Variants in VPS37A observed in about 807,000 individuals in gnomAD.
The protein encoded by VPS37A is VPS37A subunit of ESCRT-I, also known as vacuolar protein sorting-associated protein 37A.
Under a neutral mutation model 49.8 loss-of-function variants are expected in VPS37A, and 30 were observed. The observed-to-expected ratio is 0.60, with a 90% CI of 0.45 to 0.82. The LOEUF (loss-of-function observed/expected upper bound fraction) is 0.82. VPS37A is among the 40% of genes least tolerant of loss of function. The pLI is 0.00. For missense variants in VPS37A, 593 were observed against 464.4 expected, an observed-to-expected ratio of 1.28 and a Z score of -2.55; for synonymous variants, 195 against 160.6, an observed-to-expected ratio of 1.21 and a Z score of -1.62.
At chr8:17,298,362 T>G (rs1816876915), downstream of VPS37A, 1 of 152,104 alleles carries the variant, frequency 6.6e-6, no homozygotes, top group South Asian at 2.1e-4. Context: ...TTTTTTACAT[T>G]AACAGTACTT....
the VPS37A span, among the ~76,000 whole-genome samples, chr8:17,325,250 G>T: frequency 6.6e-6 from 1 of 152,050 alleles, no homozygotes; most frequent in East Asian, 1.9e-4. Flanking sequence ...GACTAGAGCA[G>T]GCATCCAACA....
intron 7 of VPS37A, 27 bp from the exon 8 acceptor site, chr8:17,280,212 G>A: frequency 6.2e-7 from 1 of 1,611,648 alleles, no homozygotes; most frequent in Non-Finnish European, 8.5e-7. Context: ...TCTTTACCTA[G>A]AAGTAAACTA....
At chr8:17,303,415 G>A (rs768064353), downstream of VPS37A, among the ~76,000 whole-genome samples, 2 of 152,084 alleles carry the variant, frequency 1.3e-5, no homozygotes, top group East Asian at 1.9e-4. Flanking sequence ...AGTCTGTGTC[G>A]GGAGTGAGTA....
chr8:17,268,932 C>T lies in VPS37A; in HGVS notation c.392C>T (p.Ala131Val). The T allele has an allele frequency of 5.0e-6, 8 of 1,608,594 alleles. No homozygotes were observed. The highest frequency in any genetic ancestry group is 6.8e-6 in the Non-Finnish European group (8 of 1,178,576). The change falls in exon 4 of 12, where the codon GCT becomes GTT. Residue 131 changes from alanine (A) to valine (V), a missense_variant. Physicochemically the swap from Ala to Val is moderately conservative, Grantham distance 64. Coordinates refer to ENST00000324849, the MANE Select transcript of VPS37A (RefSeq NM_152415.3). The stretch of plus-strand genomic sequence containing the variant: ...TTTTGGAAGAATCCTCCAGTTTTAG[C>T]TCCTACTTCAACAGCATTTCCTTAG... ...DEFWKNPPVL[A>V]PTSTAFPYLY...
At position 17,274,941 on chromosome 8, in the gene VPS37A, G is replaced by C. The variant is rs1284443376; in HGVS notation, c.625G>C (p.Val209Leu). 3.7e-6 allele frequency: 6 copies of C among 1,613,952 alleles called. No homozygotes were observed. Among genetic ancestry groups the C allele is most frequent in the African/African-American group, 2.7e-5 (2 of 74,928 alleles). The change falls in exon 5 of 12, where the codon GTG becomes CTG. Residue 209 changes from valine to leucine, a missense_variant. Physicochemically the swap from Val to Leu is conservative, Grantham distance 32 (BLOSUM62 1). Coordinates refer to ENST00000324849, the MANE Select transcript of VPS37A (RefSeq NM_152415.3). The stretch of plus-strand genomic sequence containing the variant: ...AAATCTGCCATTACCCATTCCCACA[G>C]TGGATGCTTCAATACCGGTTGGTAT... The part of the protein sequence containing the change: ...LSNLPLPIPT[V>L]DASIPTSQNG...
chr8:17,275,103 G>T, intron 5 of VPS37A, 145 bp downstream of exon 5: 2 of 738,458 alleles, frequency 2.7e-6, no homozygotes, highest in Non-Finnish European at 4.3e-6. Context: ...TCAAGTAACA[G>T]GTAACCAACA....
chr8:17,305,817 A>G (rs370550779), downstream of VPS37A: 41 of 1,613,608 alleles, frequency 2.5e-5, no homozygotes, highest in Non-Finnish European at 3.4e-5. Flanking sequence ...GCAGGAATAA[A>G]TGTGATGTTG....
rs1285793534 is a variant in VPS37A at position 17,280,279 on chromosome 8, A to G, written c.882A>G (p.Arg294=). Residue 294 remains arginine, a synonymous_variant, in exon 8 of 12, where the codon AGA becomes AGG. Coordinates refer to ENST00000324849, the MANE Select transcript of VPS37A (RefSeq NM_152415.3). ...TGGAGCCCAGCTTGGAAGCCAAAAG[A>G]CAAACTGTTTTAGATAAGGTGAGTT... ...LLLEPSLEAK[R]QTVLDKYELL... The G allele has an allele frequency of 2.5e-6, 4 of 1,612,806 alleles. No homozygotes were observed. Among genetic ancestry groups the G allele is most frequent in the South Asian group, 1.1e-5 (1 of 90,802 alleles).
At chr8:17,316,814 G>C in the VPS37A span, among the ~76,000 whole-genome samples, 11 of 152,046 alleles carry the variant, frequency 7.2e-5, no homozygotes, top group Admixed American at 1.3e-4. Flanking sequence ...AATACACCAT[G>C]TTATTATGTA....
chr8:17,304,307 A>G (rs1366512959), downstream of VPS37A: 14 of 1,534,908 alleles, frequency 9.1e-6, no homozygotes. Context: ...ATACACTTTG[A>G]CCTCTGAATG....
the VPS37A span, among the ~76,000 whole-genome samples, chr8:17,330,731 C>G: frequency 6.6e-6 from 1 of 152,144 alleles, no homozygotes; most frequent in Non-Finnish European, 1.5e-5. Flanking sequence ...GTCAGCTCCT[C>G]CGATATTCTC....
chr8:17,308,703 A>C, the VPS37A span, among the ~76,000 whole-genome samples: 6 of 152,186 alleles, frequency 3.9e-5, no homozygotes, highest in African/African-American at 1.4e-4. Flanking sequence ...GTGACTCCCA[A>C]AACAACAGCT....
At chr8:17,301,186 TAA>T (rs951153666), downstream of VPS37A, among the ~76,000 whole-genome samples, 1 of 152,178 alleles carries the variant, frequency 6.6e-6, no homozygotes, top group Non-Finnish European at 1.5e-5. Flanking sequence ...AAGAGATAGA[TAA>T]ATACAGACCC....
At chr8:17,268,675 A>G (rs1314016346) in intron 3 of VPS37A, among the ~76,000 whole-genome samples, 181 bp from the exon 4 acceptor site, 6 of 152,182 alleles carry the variant, frequency 3.9e-5, no homozygotes, top group Non-Finnish European at 8.8e-5. Flanking sequence ...TTTACTAATC[A>G]CCAGATATTT....
At chr8:17,309,034 A>C in the VPS37A span, among the ~76,000 whole-genome samples, 1 of 152,240 alleles carries the variant, frequency 6.6e-6, no homozygotes, top group Non-Finnish European at 1.5e-5. Flanking sequence ...TAAGACAATG[A>C]ACAAGCATTC....
intron 5 of VPS37A, 151 bp downstream of exon 5, chr8:17,275,109 C>T: frequency 1.4e-6 from 1 of 721,568 alleles, no homozygotes; most frequent in African/African-American, 1.8e-5. Flanking sequence ...AACAGGTAAC[C>T]AACAAATAAT....
chr8:17,248,399 C>T (rs56833138), intron 1 of VPS37A: 2 of 455,510 alleles, frequency 4.4e-6, no homozygotes, highest in East Asian at 1.4e-4. Context: ...CACACCCCTC[C>T]GAGTAGCTGG....
At chr8:17,262,220 C>G (rs1563248828) in intron 1 of VPS37A, among the ~76,000 whole-genome samples, 1 of 152,104 alleles carries the variant, frequency 6.6e-6, no homozygotes, top group Middle Eastern at 3.4e-3. Flanking sequence ...TATTTGAGTT[C>G]TGGGATGTCG....
At chr8:17,251,237 C>CCCTCCAATTTTCTACAGTATTAGAGGA in intron 1 of VPS37A, among the ~76,000 whole-genome samples, 1 of 152,116 alleles carries the variant, frequency 6.6e-6, no homozygotes, top group Admixed American at 6.5e-5. Context: ...GAGGGGAAGT[C>CCCTCCAATTTTCTACAGTATTAGAGGA]TGCTGGGGAG....
Sources: allele counts gnomAD v4.1 joint callset (sites outside exome capture counted in the v4.1 genomes callset), GRCh38; gene constraint gnomAD v4.1.1; transcripts MANE v1.5; gene names NCBI Gene and HGNC (gene_info 2026-07-23, HGNC 2026-07-21).